The following CDH1 variants were observed in gnomAD, a reference collection of about 807,000 sequenced individuals.
CDH1 encodes cadherin-1.
Under a neutral mutation model 84.5 loss-of-function variants are expected in CDH1, and 35 were observed. That is an observed-to-expected ratio of 0.41 (90% CI 0.32 to 0.55). The LOEUF (loss-of-function observed/expected upper bound fraction) is 0.55, where lower values mean the gene tolerates loss of function less well. Ranked by LOEUF, CDH1 falls within the 20% of genes least tolerant of loss-of-function variation. The pLI is 0.19. For synonymous variants in CDH1, 417 were observed against 439.0 expected (o/e 0.95, Z 0.63); for missense variants, 994 against 1,126.6 (o/e 0.88, Z 1.68).
intron 1 of CDH1, among the ~76,000 whole-genome samples, chr16:68,737,906 A>T (rs935973010): frequency 6.6e-6 from 1 of 152,054 alleles, no homozygotes; most frequent in Non-Finnish European, 1.5e-5. Context: ...CGTAAATAGG[A>T]GTGAGGGTCC....
intron 2 of CDH1, among the ~76,000 whole-genome samples, chr16:68,769,759 C>T (rs1366905250): frequency 1.3e-5 from 2 of 151,960 alleles, no homozygotes; most frequent in Admixed American, 6.6e-5. Flanking sequence ...GAGACCCCAT[C>T]TCTACAAAAG....
chr16:68,816,720 G>A (rs1205094204), intron 10 of CDH1, among the ~76,000 whole-genome samples: 1 of 152,060 alleles, frequency 6.6e-6, no homozygotes, highest in Non-Finnish European at 1.5e-5. Context: ...CTGCACTCCA[G>A]CCTGGGTGAC....
At chr16:68,750,684 G>A (rs12185157) in intron 2 of CDH1, among the ~76,000 whole-genome samples, 85,561 of 150,900 alleles carry the variant, frequency 0.57, 24,490 homozygotes, top group Middle Eastern at 0.62. Flanking sequence ...ATTCAGGTAC[G>A]CCTGTACACC....
At chr16:68,796,056 G>A (rs1003467611) in intron 2 of CDH1, among the ~76,000 whole-genome samples, 4 of 151,872 alleles carry the variant, frequency 2.6e-5, no homozygotes, top group South Asian at 2.1e-4. Flanking sequence ...CCAGCTACTC[G>A]GGAGGCTGGG....
chr16:68,798,705 C>G (rs998772346), intron 2 of CDH1, among the ~76,000 whole-genome samples: 1 of 152,294 alleles, frequency 6.6e-6, no homozygotes, highest in Non-Finnish European at 1.5e-5. Context: ...GAAAGGAATT[C>G]AGTGCAGCCT....
chr16:68,825,123 T>G (rs1173566390), intron 13 of CDH1, among the ~76,000 whole-genome samples: 8 of 152,156 alleles, frequency 5.3e-5, no homozygotes, highest in Admixed American at 2.6e-4. Flanking sequence ...AAAAAAATTT[T>G]TTAAAAGAAA....
intron 2 of CDH1, among the ~76,000 whole-genome samples, chr16:68,766,704 G>A (rs1270980435): frequency 6.6e-6 from 1 of 150,608 alleles, no homozygotes; most frequent in Non-Finnish European, 1.5e-5. Flanking sequence ...AATTCTCCCA[G>A]TTACTTTGTG....
rs572375953 is a variant in CDH1, at chr16:68,811,741, A to G, written c.890A>G (p.Asn297Ser). 2 of 1,614,086 alleles carry G rather than the reference A, an allele frequency of 1.2e-6. No homozygotes were observed. Among genetic ancestry groups the G allele is most frequent in the South Asian group, 1.1e-5 (1 of 91,080 alleles). ...GCGGACGATGATGTGAACACCTACA[A>G]TGCCGCCATCGCTTACACCATCCTC... is the stretch of plus-strand genomic sequence containing the variant. ...TDADDDVNTYNAAIAYTILSQ... is the reference protein window; with the variant it reads ...TDADDDVNTYSAAIAYTILSQ... The change falls in exon 7 of 16, where the codon AAT becomes AGT. Residue 297 changes from asparagine to serine, a missense_variant. Coordinates refer to ENST00000261769, the MANE Select transcript of CDH1 (RefSeq NM_004360.5).
In CDH1 at chr16:68,738,305, T is replaced by C. The variant is rs749595764; in HGVS notation, c.57T>C (p.Ser19=). The C allele has an allele frequency of 6.5e-7, 1 of 1,549,708 alleles. No individual in the cohort carries two copies. Among genetic ancestry groups the C allele is most frequent in the South Asian group, 1.2e-5 (1 of 83,998 alleles). The change falls in exon 2 of 16, where the codon TCT becomes TCC. Residue 19 remains serine, a synonymous_variant. Coordinates refer to ENST00000261769, the MANE Select transcript of CDH1 (RefSeq NM_004360.5). ...CCTTTCCCCCACCCCAGGTCTCCTC[T>C]TGGCTCTGCCAGGAGCCGGAGCCCT... is the stretch of plus-strand genomic sequence containing the variant. ...SALLLLLQVS[S]WLCQEPEPCH...
intron 2 of CDH1, among the ~76,000 whole-genome samples, chr16:68,741,350 G>A (rs929942882): frequency 2.6e-5 from 4 of 152,136 alleles, no homozygotes; most frequent in African/African-American, 4.8e-5. Context: ...GATTTTAAAA[G>A]GCCGCTAGGA....
Position 68,737,357 on chromosome 16 carries a change from A to G in CDH1, c.-59A>G. The G allele has an allele frequency of 6.9e-7, 1 of 1,450,552 alleles. No homozygotes were observed. The highest frequency in any genetic ancestry group is 9.3e-7 in the Non-Finnish European group (1 of 1,076,814). 89.9% of individuals were successfully genotyped at this position (1,450,552 alleles called of 1,614,324 possible). A position where few individuals can be genotyped will look rare whatever the true frequency, so the allele number is the denominator to read the frequency against. ...GTCAGTTCAGACTCCAGCCCGCTCC[A>G]GCCCGGCCCGACCCGACCGCACCCG... On this transcript the variant is annotated 5_prime_UTR_variant, in exon 1 of 16. Coordinates refer to ENST00000261769, the MANE Select transcript of CDH1 (RefSeq NM_004360.5).
intron 2 of CDH1, among the ~76,000 whole-genome samples, chr16:68,788,575 C>T (rs536341367): frequency 3.9e-5 from 6 of 152,276 alleles, no homozygotes; most frequent in African/African-American, 9.6e-5. Context: ...TATGCTACTG[C>T]GTTTTGTGAT....
intron 2 of CDH1, among the ~76,000 whole-genome samples, chr16:68,786,013 C>T (rs1179823316): frequency 1.3e-5 from 2 of 152,228 alleles, no homozygotes; most frequent in Non-Finnish European, 2.9e-5. Context: ...ACTGCTGGAA[C>T]AGGTGCCCCA....
intron 2 of CDH1, among the ~76,000 whole-genome samples, chr16:68,743,660 C>T (rs939918090): frequency 1.3e-5 from 2 of 152,052 alleles, no homozygotes; most frequent in African/African-American, 2.4e-5. Flanking sequence ...GCCACCGAGC[C>T]GGGCCCCTTC....
chr16:68,810,314 G>A lies in CDH1; in HGVS notation c.805G>A (p.Gly269Arg), dbSNP rs750979600. Reference protein sequence around the residue: ...KPEFTQEVFKGSVMEGALPGT... With the variant: ...KPEFTQEVFKRSVMEGALPGT... Reference sequence around the variant, plus strand: ...CGAATTCACCCAGGAGGTCTTTAAGGGGTCTGTCATGGAAGGTGCTCTTCC... The same window carrying A: ...CGAATTCACCCAGGAGGTCTTTAAGAGGTCTGTCATGGAAGGTGCTCTTCC... Residue 269 changes from glycine (G) to arginine (R), a missense_variant, in exon 6 of 16, where the codon GGG becomes AGG. Gly to Arg is a moderately radical substitution (Grantham distance 125, BLOSUM62 -2). This residue lies in a region of CDH1 where 769 missense variants were observed against 881.8 expected (regional missense o/e 0.87). Coordinates refer to ENST00000261769, the MANE Select transcript of CDH1 (RefSeq NM_004360.5). 1.9e-6 allele frequency: 3 copies of A among 1,614,070 alleles called. No individual in the cohort carries two copies. In the Admixed American group the frequency reaches 5.0e-5, roughly 27 times the overall value.
intron 2 of CDH1, among the ~76,000 whole-genome samples, chr16:68,794,669 C>G (rs1031375210): frequency 6.6e-6 from 1 of 150,452 alleles, no homozygotes; most frequent in South Asian, 2.1e-4. Flanking sequence ...ACAGGTGCAC[C>G]AACATGCCGG....
chr16:68,756,386 G>A (rs1375824398), intron 2 of CDH1, among the ~76,000 whole-genome samples: 1 of 152,022 alleles, frequency 6.6e-6, no homozygotes, highest in Non-Finnish European at 1.5e-5. Flanking sequence ...GTGGGGTGGG[G>A]CCCTGAGTCA....
intron 2 of CDH1, among the ~76,000 whole-genome samples, chr16:68,773,286 T>A (rs1959634514): frequency 6.6e-6 from 1 of 151,744 alleles, no homozygotes; most frequent in Non-Finnish European, 1.5e-5. Context: ...TATACTCAAG[T>A]TATTTTCCTT....
chr16:68,770,165 G>A (rs12446407), intron 2 of CDH1, among the ~76,000 whole-genome samples: 45,057 of 151,676 alleles, frequency 0.3, 6,806 homozygotes, highest in Middle Eastern at 0.34. Flanking sequence ...GGGCTTTTGG[G>A]GCCACCTGGC....
Sources: allele counts gnomAD v4.1 joint callset (sites outside exome capture counted in the v4.1 genomes callset), GRCh38; gene constraint gnomAD v4.1.1; regional missense constraint gnomAD v4.1.1; transcripts MANE v1.5; gene names NCBI Gene and HGNC (gene_info 2026-07-23, HGNC 2026-07-21).